Variants in IPMK observed in about 807,000 individuals in gnomAD.
The protein encoded by IPMK is inositol 1,3,4,6-tetrakisphosphate 5-kinase.
IPMK carries 17 observed loss-of-function variants against 45.8 expected under a neutral mutation model. The observed-to-expected ratio is 0.37, with a 90% CI of 0.25 to 0.56. The LOEUF is 0.56. IPMK is among the 20% of genes least tolerant of loss of function. The probability of loss-of-function intolerance (pLI) is 0.79; values close to 1 mark genes in which losing one functional copy is unlikely to be tolerated. For synonymous variants in IPMK, 180 were observed against 184.3 expected (o/e 0.98, Z 0.19); for missense variants, 399 against 498.0 (o/e 0.80, Z 1.89).
rs528579824 is a variant in IPMK at position 58,204,990 on chromosome 10, C to T, written c.547-5669G>A. ...GAATATTCACTGGGGGAATAACAGT[C>T]CTATCAACAAATGGTGCTGGGACAA... On this transcript the variant is annotated intron_variant, in intron 4 of 5. Transcript: ENST00000373935. Among the ~76,000 whole-genome samples the T allele has an allele frequency of 2.0e-5, 3 of 152,170 alleles. No individual in the cohort carries two copies. The East Asian group carries it at 5.8e-4, about 29-fold the overall frequency.
intron 1 of IPMK, among the ~76,000 whole-genome samples, chr10:58,238,340 T>C (rs1280523490): frequency 6.6e-6 from 1 of 152,174 alleles, no homozygotes; most frequent in African/African-American, 2.4e-5. Context: ...TACCAGGGCA[T>C]CTAGCCAATG....
chr10:58,237,927 T>C (rs980511254), intron 1 of IPMK, 113 bp from the exon 2 acceptor site: 12 of 706,824 alleles, frequency 1.7e-5, no homozygotes, highest in Non-Finnish European at 2.9e-5. Flanking sequence ...AACTTAAGGG[T>C]TTACTTTTAC....
intron 1 of IPMK, among the ~76,000 whole-genome samples, chr10:58,238,295 T>A (rs1198620129): frequency 6.6e-6 from 1 of 152,260 alleles, no homozygotes; most frequent in African/African-American, 2.4e-5. Context: ...AAATATTTGC[T>A]GATTCAAATG....
intron 4 of IPMK, among the ~76,000 whole-genome samples, chr10:58,211,632 C>T (rs1838160764): frequency 1.3e-5 from 2 of 151,718 alleles, no homozygotes; most frequent in South Asian, 4.2e-4. Context: ...TGCCCAGGAT[C>T]ACTTGAGCCC....
intron 1 of IPMK, among the ~76,000 whole-genome samples, chr10:58,264,846 T>C (rs539934368): frequency 5.0e-4 from 76 of 152,288 alleles, no homozygotes; most frequent in African/African-American, 1.8e-3. Flanking sequence ...AAGTTGCTGA[T>C]AGATTTATTT....
intron 1 of IPMK, among the ~76,000 whole-genome samples, chr10:58,258,448 A>G (rs990103781): frequency 1.3e-5 from 2 of 152,226 alleles, no homozygotes; most frequent in African/African-American, 4.8e-5. Flanking sequence ...TAAATGGAGC[A>G]TTTACCAAGA....
chr10:58,234,034 G>C (rs904185120), intron 2 of IPMK, among the ~76,000 whole-genome samples: 2 of 152,140 alleles, frequency 1.3e-5, no homozygotes, highest in African/African-American at 4.8e-5. Context: ...GACAAACAGA[G>C]AGCCAAATCA....
rs1329858858 is a variant in IPMK, at chr10:58,196,211, A to C, written c.1116T>G (p.Gly372=). Residue 372 remains glycine (G), a synonymous_variant, in exon 6 of 6, where the codon GGT becomes GGG. Transcript: ENST00000373935. ...LEKVFYHLPT[G]CQEIAEVEVR... ...CTTCTACTTCAGCAATCTCTTGGCA[A>C]CCAGTGGGAAGATGGTAGAAAACTT... 2 of 1,614,192 alleles carry C rather than the reference A, an allele frequency of 1.2e-6. No homozygotes were observed. The highest frequency in any genetic ancestry group is 1.7e-6 in the Non-Finnish European group (2 of 1,180,010).
At chr10:58,214,036 G>A (rs1838207798) in intron 4 of IPMK, among the ~76,000 whole-genome samples, 1 of 152,218 alleles carries the variant, frequency 6.6e-6, no homozygotes, top group African/African-American at 2.4e-5. Flanking sequence ...GGAAAGCAAA[G>A]CAGGTTAAAG....
At chr10:58,198,046 AAAAC>A (rs1837935502) in intron 5 of IPMK, among the ~76,000 whole-genome samples, 1 of 152,194 alleles carries the variant, frequency 6.6e-6, no homozygotes, top group African/African-American at 2.4e-5. Context: ...AAAACAAAAC[AAAAC>A]AAAAAACAAA....
At chr10:58,235,518 G>C (rs902695054) in intron 2 of IPMK, among the ~76,000 whole-genome samples, 1 of 152,118 alleles carries the variant, frequency 6.6e-6, no homozygotes, top group East Asian at 1.9e-4. Flanking sequence ...CCTTTGCAGG[G>C]ACATGGATGA....
intron 4 of IPMK, among the ~76,000 whole-genome samples, chr10:58,214,730 C>A (rs1838218702): frequency 1.3e-5 from 2 of 152,126 alleles, no homozygotes; most frequent in African/African-American, 4.8e-5. Context: ...TTCAGAACTA[C>A]CCATTATGCT....
intron 3 of IPMK, among the ~76,000 whole-genome samples, chr10:58,225,052 C>G (rs779547824): frequency 6.6e-6 from 1 of 152,122 alleles, no homozygotes; most frequent in Non-Finnish European, 1.5e-5. Context: ...TAGAAAATCC[C>G]TTGAGGCAAC....
At chr10:58,259,671 T>TAAAAAAGAAAAAAAAAAAAA (rs1839028166) in intron 1 of IPMK, among the ~76,000 whole-genome samples, 1 of 86,768 alleles carries the variant, frequency 1.2e-5, no homozygotes, top group African/African-American at 6.3e-5. Context: ...CATCTCTACA[T>TAAAAAAGAAAAAAAAAAAAA]AAAAAAAAAA....
chr10:58,242,921 T>C (rs1180627143), intron 1 of IPMK, among the ~76,000 whole-genome samples: 1 of 152,122 alleles, frequency 6.6e-6, no homozygotes, highest in Non-Finnish European at 1.5e-5. Flanking sequence ...TTTGAAAGTG[T>C]GTAGCACTTC....
intron 3 of IPMK, among the ~76,000 whole-genome samples, chr10:58,224,644 T>C (rs957774015): frequency 2.6e-5 from 4 of 152,196 alleles, no homozygotes; most frequent in Non-Finnish European, 2.9e-5. Context: ...AATTATTATA[T>C]GATAATTTGT....
intron 2 of IPMK, among the ~76,000 whole-genome samples, chr10:58,229,918 G>A (rs1369271930): frequency 1.3e-5 from 2 of 152,156 alleles, no homozygotes; most frequent in African/African-American, 4.8e-5. Flanking sequence ...AAGGGAAGCC[G>A]TGACAGACTA....
intron 3 of IPMK, among the ~76,000 whole-genome samples, chr10:58,226,398 A>T (rs1339670528): frequency 6.6e-6 from 1 of 152,308 alleles, no homozygotes; most frequent in East Asian, 1.9e-4. Flanking sequence ...TTGCATTTTA[A>T]CAAGACCATA....
chr10:58,223,868 C>A (rs1838374346), intron 3 of IPMK, among the ~76,000 whole-genome samples: 1 of 152,128 alleles, frequency 6.6e-6, no homozygotes, highest in South Asian at 2.1e-4. Context: ...CTCCTGCCAC[C>A]ATGTAAGACG....
Sources: allele counts gnomAD v4.1 joint callset (sites outside exome capture counted in the v4.1 genomes callset), GRCh38; gene constraint gnomAD v4.1.1; transcripts MANE v1.5; gene names NCBI Gene and HGNC (gene_info 2026-07-23, HGNC 2026-07-21).